Variants in HIVEP3 observed in about 807,000 individuals in gnomAD.
HIVEP3 encodes the protein HIVEP zinc finger 3.
HIVEP3 carries 49 observed loss-of-function variants against 152.8 expected under a neutral mutation model. The ratio of observed to expected loss-of-function variants is 0.32; its 90% CI spans 0.26 to 0.41. The LOEUF is 0.41. Among genes scored for constraint, HIVEP3 ranks in the 10% least tolerant of loss-of-function variants. HIVEP3 has a pLI of 1.00. For missense variants in HIVEP3, 2,790 were observed against 3,103.3 expected (o/e 0.90, Z 2.40); for synonymous variants, 1,269 against 1,289.0 (o/e 0.98, Z 0.33).
chr1:41,670,685 A>T (rs1292924688), intron 2 of HIVEP3, among the ~76,000 whole-genome samples: 1 of 152,186 alleles, frequency 6.6e-6, no homozygotes, highest in Non-Finnish European at 1.5e-5. Context: ...GATGAGTCAC[A>T]AGTTTAAATA....
chr1:41,831,829 A>G (rs1642973661), intron 1 of HIVEP3, among the ~76,000 whole-genome samples: 1 of 152,148 alleles, frequency 6.6e-6, no homozygotes, highest in African/African-American at 2.4e-5. Flanking sequence ...GGCTCTTAAC[A>G]TCTGTCTCAT....
intron 1 of HIVEP3, among the ~76,000 whole-genome samples, chr1:41,823,993 C>T (rs115601601): frequency 4.0e-4 from 61 of 152,298 alleles, no homozygotes; most frequent in Admixed American, 1.1e-3. Context: ...AATAAGCTGG[C>T]TTGTGGACTC....
rs184100343 is a variant in HIVEP3, at chr1:41,541,462, G to T, written c.5208-16552C>A. On this transcript the variant is annotated intron_variant, in intron 5 of 8. Coordinates refer to ENST00000372583, the MANE Select transcript of HIVEP3 (RefSeq NM_024503.5). ...AGTCTGTGTGTTGTGGCCGTGACAG[G>T]CTGTCCACATCGCCTCCCTCCTGAA... Among the ~76,000 whole-genome samples, 257 of 152,288 alleles carry T rather than the reference G, an allele frequency of 1.7e-3. 3 individuals are homozygous for T. The highest frequency in any genetic ancestry group is 1.7e-3 in the Admixed American group (26 of 15,294).
chr1:41,881,117 G>A lies in HIVEP3; in HGVS notation c.-801+37296C>T, dbSNP rs1270188295. Among the ~76,000 whole-genome samples, 8 of 152,298 alleles carry A rather than the reference G, an allele frequency of 5.3e-5. No individual in the cohort carries two copies. The South Asian group carries it at 8.3e-4, about 16-fold the overall frequency. ...AGGCTGTAGTATATAGAGGATGATCGTTATGGTGGTGATGACAACAGTGCT... is the reference window on the plus strand; with the variant it reads ...AGGCTGTAGTATATAGAGGATGATCATTATGGTGGTGATGACAACAGTGCT... On this transcript the variant is annotated intron_variant, in intron 1 of 8. Transcript: ENST00000372583.
intron 1 of HIVEP3, among the ~76,000 whole-genome samples, chr1:42,005,346 C>T (rs1406738968): frequency 3.3e-5 from 5 of 152,024 alleles, no homozygotes; most frequent in African/African-American, 1.2e-4. Context: ...CGCACACATA[C>T]ATATATATGT....
intron 3 of HIVEP3, among the ~76,000 whole-genome samples, chr1:41,625,490 A>C (rs1254890434): frequency 2.0e-5 from 3 of 152,220 alleles, no homozygotes; most frequent in Non-Finnish European, 4.4e-5. Context: ...CTAGAACCTC[A>C]GATTTCAATG....
intron 1 of HIVEP3, among the ~76,000 whole-genome samples, chr1:41,992,487 G>A (rs1570875001): frequency 7.2e-6 from 1 of 137,990 alleles, no homozygotes; most frequent in Non-Finnish European, 1.6e-5. Context: ...CACTGCTCAA[G>A]GAAATAAAAG....
intron 2 of HIVEP3, among the ~76,000 whole-genome samples, chr1:41,658,739 A>G (rs1382135345): frequency 6.6e-6 from 1 of 152,192 alleles, no homozygotes; most frequent in African/African-American, 2.4e-5. Flanking sequence ...TAGTCCACAG[A>G]GTGAACAGGA....
In HIVEP3 at chr1:41,579,782, T is replaced by C. The variant is rs776917416; in HGVS notation, c.5016A>G (p.Ala1672=). 2.5e-6 allele frequency: 4 copies of C among 1,602,722 alleles called. No homozygotes were observed. In the African/African-American group the frequency reaches 5.4e-5, roughly 21 times the overall value. The change falls in exon 4 of 9, where the codon GCA becomes GCG. Residue 1672 remains alanine, a synonymous_variant. Coordinates refer to ENST00000372583, the MANE Select transcript of HIVEP3 (RefSeq NM_024503.5). ...YTMATAPHPE[A]GRLVPSSSRK... is the part of the protein sequence containing the mutation. Reference sequence around the variant, plus strand: ...GGGAGCTGGATGGCACAAGCCTTCCTGCCTCAGGATGCGGAGCTGTGGCCA... The same window carrying C: ...GGGAGCTGGATGGCACAAGCCTTCCCGCCTCAGGATGCGGAGCTGTGGCCA...
At chr1:41,850,766 C>T (rs557366521) in intron 1 of HIVEP3, among the ~76,000 whole-genome samples, 1 of 152,344 alleles carries the variant, frequency 6.6e-6, no homozygotes, top group African/African-American at 2.4e-5. Context: ...AATCCCATAG[C>T]ACACGTGGAG....
At chr1:42,010,580 T>C (rs1182297111) in intron 1 of HIVEP3, among the ~76,000 whole-genome samples, 4 of 152,166 alleles carry the variant, frequency 2.6e-5, no homozygotes, top group African/African-American at 9.7e-5. Context: ...AGTATTTCCC[T>C]CCTAGCTGGA....
At chr1:41,649,735 G>A (rs778893449) in intron 2 of HIVEP3, among the ~76,000 whole-genome samples, 8 of 152,176 alleles carry the variant, frequency 5.3e-5, no homozygotes, top group Admixed American at 3.9e-4. Flanking sequence ...CTCTGGAGAC[G>A]GAGTCCCCTG....
rs780674043 is a variant in HIVEP3, at chr1:41,580,119, G to T, written c.4679C>A (p.Pro1560His). 1.2e-6 allele frequency: 2 copies of T among 1,614,162 alleles called. No individual in the cohort carries two copies. Among genetic ancestry groups the T allele is most frequent in the Non-Finnish European group, 1.7e-6 (2 of 1,179,998 alleles). ...CGGAGGTGCCAAGGAGGGGAGATCA[G>T]GTTGTTCCTTGGAATCTTCTTTCTT... ...SVKKEDSKEQ[P>H]DLPSLAPPSS... The change falls in exon 4 of 9, where the codon CCT (proline) becomes CAT (histidine). Residue 1560 changes from proline (P) to histidine (H), a missense_variant. Physicochemically the swap from Pro to His is moderately conservative, Grantham distance 77. Around this residue, in one of 9 missense-constraint regions of HIVEP3, gnomAD observed 1,078 missense variants for 1,165.3 expected, o/e 0.93. Coordinates refer to ENST00000372583, the MANE Select transcript of HIVEP3 (RefSeq NM_024503.5).
chr1:41,975,434 C>A (rs1388059261), intron 1 of HIVEP3, among the ~76,000 whole-genome samples: 1 of 152,198 alleles, frequency 6.6e-6, no homozygotes, highest in Non-Finnish European at 1.5e-5. Flanking sequence ...TCCAGGCAAG[C>A]TCCTATGGTA....
At chr1:41,589,695 T>C (rs1644558559) in intron 3 of HIVEP3, among the ~76,000 whole-genome samples, 1 of 152,112 alleles carries the variant, frequency 6.6e-6, no homozygotes, top group Admixed American at 6.6e-5. Context: ...GGGTCCCCGG[T>C]CAAAGTTAGA....
chr1:41,707,240 C>T (rs1188098477), intron 1 of HIVEP3, among the ~76,000 whole-genome samples: 1 of 152,192 alleles, frequency 6.6e-6, no homozygotes, highest in Admixed American at 6.5e-5. Flanking sequence ...CTGCTGCATC[C>T]CTGGTCTTTT....
At chr1:41,686,591 T>A (rs1646119342) in intron 2 of HIVEP3, among the ~76,000 whole-genome samples, 1 of 152,026 alleles carries the variant, frequency 6.6e-6, no homozygotes, top group South Asian at 2.1e-4. Flanking sequence ...ATTGTGAGAG[T>A]GTGCTGTGTA....
At chr1:41,860,948 T>C (rs1326575113) in intron 1 of HIVEP3, among the ~76,000 whole-genome samples, 1 of 151,882 alleles carries the variant, frequency 6.6e-6, no homozygotes, top group Admixed American at 6.6e-5. Flanking sequence ...AGGAGGGAGG[T>C]GGAATCAGAT....
At chr1:41,840,317 T>C (rs1478887844) in intron 1 of HIVEP3, among the ~76,000 whole-genome samples, 1 of 152,106 alleles carries the variant, frequency 6.6e-6, no homozygotes, top group Non-Finnish European at 1.5e-5. Context: ...CTGTGTCTTA[T>C]AAGGAGAGGA....
Sources: gnomAD v4.1 joint callset for allele counts (sites outside exome capture counted in the v4.1 genomes callset) on GRCh38, gnomAD v4.1.1 for gene constraint, gnomAD v4.1.1 regional missense constraint, MANE v1.5 for transcripts, NCBI Gene and HGNC (gene_info 2026-07-23, HGNC 2026-07-21) for gene names.